SPECC1: variants seen among roughly 807,000 people sequenced by gnomAD.
SPECC1 encodes sperm antigen with calponin homology and coiled-coil domains 1, also known as cytospin-B.
In SPECC1, 62 loss-of-function variants were observed where a neutral mutation model predicts 104.1. The observed-to-expected ratio is 0.60, with a 90% CI of 0.49 to 0.74. The LOEUF (loss-of-function observed/expected upper bound fraction) is 0.74, where lower values mean the gene tolerates loss of function less well. Ranked by LOEUF, SPECC1 falls within the 30% of genes least tolerant of loss-of-function variation. The probability of loss-of-function intolerance (pLI) is 0.00; values close to 1 mark genes in which losing one functional copy is unlikely to be tolerated. For missense variants in SPECC1, 1,306 were observed against 1,310.5 expected, an observed-to-expected ratio of 1.00 and a Z score of 0.05; for synonymous variants, 513 against 501.6, an observed-to-expected ratio of 1.02 and a Z score of -0.30.
intron 9 of SPECC1, among the ~76,000 whole-genome samples, chr17:20,251,552 A>G (rs1046703212): frequency 2.0e-5 from 3 of 152,230 alleles, no homozygotes; most frequent in South Asian, 4.1e-4. Context: ...ATGTGGATAC[A>G]TGGAATTGTG....
chr17:20,092,113 A>T (rs1312909444), intron 1 of SPECC1, among the ~76,000 whole-genome samples: 2 of 151,986 alleles, frequency 1.3e-5, no homozygotes, highest in Admixed American at 1.3e-4. Context: ...TAAGAGTTGC[A>T]GTTTAAGTCC....
intron 2 of SPECC1, among the ~76,000 whole-genome samples, chr17:20,107,492 T>C (rs1320207043): frequency 6.7e-6 from 1 of 149,214 alleles, no homozygotes; most frequent in Non-Finnish European, 1.5e-5. Context: ...ATGGATAGAC[T>C]GTTTGCCAGT....
intron 3 of SPECC1, among the ~76,000 whole-genome samples, chr17:20,186,430 G>A (rs996336605): frequency 1.3e-5 from 2 of 152,204 alleles, no homozygotes; most frequent in African/African-American, 2.4e-5. Flanking sequence ...TCGATGCAGG[G>A]TTGCCACAAG....
At chr17:20,014,746 T>G (rs1322560152) in intron 1 of SPECC1, among the ~76,000 whole-genome samples, 1 of 152,176 alleles carries the variant, frequency 6.6e-6, no homozygotes. Context: ...AATTTAACTA[T>G]TATTTGTCTA....
At chr17:20,194,525 T>TTTTTTTTTTTTTTTTTTTTG (rs2035896918) in intron 3 of SPECC1, among the ~76,000 whole-genome samples, 7 of 143,270 alleles carry the variant, frequency 4.9e-5, no homozygotes, top group African/African-American at 1.9e-4. Context: ...TTTTTTTTTT[T>TTTTTTTTTTTTTTTTTTTTG]GAGACAGAGT....
intron 4 of SPECC1, among the ~76,000 whole-genome samples, chr17:20,217,660 A>T (rs1006775709): frequency 1.3e-5 from 2 of 152,192 alleles, no homozygotes; most frequent in Admixed American, 1.3e-4. Context: ...CTGCCCCAGG[A>T]TGCAAGACTC....
chr17:20,264,122 G>A (rs1004749501), intron 12 of SPECC1, among the ~76,000 whole-genome samples: 1 of 152,082 alleles, frequency 6.6e-6, no homozygotes, highest in Non-Finnish European at 1.5e-5. Flanking sequence ...AAAATAACTG[G>A]TGAAAACTTT....
chr17:20,085,448 CT>C (rs1252678705), intron 1 of SPECC1, among the ~76,000 whole-genome samples: 5 of 152,220 alleles, frequency 3.3e-5, no homozygotes, highest in African/African-American at 1.2e-4. Context: ...TCCTTGTAGA[CT>C]TACTCCTGTG....
intron 1 of SPECC1, among the ~76,000 whole-genome samples, chr17:20,045,062 T>C (rs1597608716): frequency 6.6e-6 from 1 of 152,366 alleles, no homozygotes; most frequent in Non-Finnish European, 1.5e-5. Context: ...GGGTAAAAAT[T>C]ACAAGCAGTA....
At chr17:20,051,564 A>T (rs1359439400) in intron 1 of SPECC1, among the ~76,000 whole-genome samples, 1 of 152,200 alleles carries the variant, frequency 6.6e-6, no homozygotes, top group Non-Finnish European at 1.5e-5. Flanking sequence ...TTAGGTAAAC[A>T]TCTGTTTTAG....
chr17:20,080,343 CAG>C (rs1318441584), intron 1 of SPECC1, among the ~76,000 whole-genome samples: 2 of 152,052 alleles, frequency 1.3e-5, no homozygotes, highest in Non-Finnish European at 2.9e-5. Context: ...AAAGAGATGA[CAG>C]AAAGAGGGAG....
intron 7 of SPECC1, chr17:20,237,278 T>C: frequency 9.1e-7 from 1 of 1,103,352 alleles, no homozygotes; most frequent in Non-Finnish European, 1.1e-6. Flanking sequence ...CCGAGTTCTT[T>C]TGTTTTTTGT....
Position 20,108,346 on chromosome 17 carries a change from A to G in SPECC1, c.148-2081A>G, listed in dbSNP as rs117235132. On this transcript the variant is annotated intron_variant, in intron 2 of 14. Coordinates refer to ENST00000395527, the MANE Select transcript of SPECC1 (RefSeq NM_001243439.2). ...TTTTTCTGTTTTAATGAAGCACAGC[A>G]TATTTACAATAAAATCCATAAAGTA... Among the ~76,000 whole-genome samples the G allele has an allele frequency of 6.5e-3, 984 of 152,314 alleles. 1 individual carries two copies. The highest frequency in any genetic ancestry group is 0.011 in the Non-Finnish European group (736 of 68,032).
Position 20,205,807 on chromosome 17 carries a change from A to G in SPECC1, c.1758A>G (p.Val586=). 1 of 1,614,238 alleles carries G rather than the reference A, an allele frequency of 6.2e-7. No homozygotes were observed. Among genetic ancestry groups the G allele is most frequent in the Non-Finnish European group, 8.5e-7 (1 of 1,180,038 alleles). The stretch of plus-strand genomic sequence containing the variant: ...GCGAAGTTCAAGAAATGTTGAAAGT[A>G]GCCCGAGCAGAGAAAGATCTACTGG... ...ESCEVQEMLK[V]ARAEKDLLEL... Residue 586 remains valine (V), a synonymous_variant, in exon 4 of 15, where the codon GTA becomes GTG. Coordinates refer to ENST00000395527, the MANE Select transcript of SPECC1 (RefSeq NM_001243439.2).
At chr17:20,111,946 T>A in intron 3 of SPECC1, 1 of 792,232 alleles carries the variant, frequency 1.3e-6, no homozygotes, top group Non-Finnish European at 2.3e-6. Context: ...AAGCCACCAG[T>A]GTGTATAATG....
chr17:20,071,855 G>A (rs1203306470), intron 1 of SPECC1, among the ~76,000 whole-genome samples: 1 of 152,172 alleles, frequency 6.6e-6, no homozygotes, highest in African/African-American at 2.4e-5. Context: ...CATTTTGTGT[G>A]TATCTTTCTA....
At chr17:20,099,510 C>T (rs2047818687) in intron 2 of SPECC1, among the ~76,000 whole-genome samples, 1 of 74,626 alleles carries the variant, frequency 1.3e-5, no homozygotes, top group Non-Finnish European at 2.8e-5. Flanking sequence ...CTGTCTTTAC[C>T]CAAAAAAAAA....
At chr17:20,018,507 C>T (rs890520832) in intron 1 of SPECC1, among the ~76,000 whole-genome samples, 2 of 152,218 alleles carry the variant, frequency 1.3e-5, no homozygotes, top group Admixed American at 6.5e-5. Context: ...CCTCCTGCCT[C>T]GGCCTCCCAA....
At chr17:20,215,136 G>A (rs1043534917) in intron 4 of SPECC1, among the ~76,000 whole-genome samples, 3 of 152,194 alleles carry the variant, frequency 2.0e-5, no homozygotes, top group East Asian at 3.8e-4. Flanking sequence ...CCGGGGCCTC[G>A]TGCCTGAGGT....
Sources: gnomAD v4.1 joint callset for allele counts (sites outside exome capture counted in the v4.1 genomes callset) on GRCh38, gnomAD v4.1.1 for gene constraint, MANE v1.5 for transcripts, NCBI Gene and HGNC (gene_info 2026-07-23, HGNC 2026-07-21) for gene names.